PAPPA2: variants seen among roughly 807,000 people sequenced by gnomAD.
PAPPA2 encodes pappalysin-2.
PAPPA2 carries 86 observed loss-of-function variants against 176.4 expected under a neutral mutation model. The observed-to-expected ratio is 0.49, with a 90% CI of 0.41 to 0.58. The LOEUF is 0.58. PAPPA2 is among the 20% of genes least tolerant of loss of function. The pLI, the probability that PAPPA2 is intolerant of heterozygous loss-of-function variation, is 0.00. For synonymous variants in PAPPA2, 809 were observed against 852.2 expected (o/e 0.95, Z 0.88); for missense variants, 2,073 against 2,256.9 (o/e 0.92, Z 1.65).
chr1:176,761,669 C>G (rs189992606), intron 14 of PAPPA2, among the ~76,000 whole-genome samples: 5 of 152,338 alleles, frequency 3.3e-5, no homozygotes, highest in African/African-American at 9.6e-5. Context: ...GGAAAGCAAC[C>G]TCATCCCGTG....
At chr1:176,554,716 G>A (rs1651164074) in intron 1 of PAPPA2, among the ~76,000 whole-genome samples, 1 of 152,190 alleles carries the variant, frequency 6.6e-6, no homozygotes, top group Non-Finnish European at 1.5e-5. Context: ...AAACTTCTGA[G>A]ATAAAAAGGA....
chr1:176,531,229 C>T (rs937594976), intron 1 of PAPPA2, among the ~76,000 whole-genome samples: 1 of 152,202 alleles, frequency 6.6e-6, no homozygotes, highest in Non-Finnish European at 1.5e-5. Flanking sequence ...AGTAGCTCTT[C>T]ATTAATGTTG....
chr1:176,617,834 T>G (rs1655358838), intron 3 of PAPPA2, among the ~76,000 whole-genome samples: 5 of 152,176 alleles, frequency 3.3e-5, no homozygotes, highest in Admixed American at 3.3e-4. Context: ...ATTAGGTCCA[T>G]TTTTGAGTAA....
chr1:176,564,205 C>T (rs545213887), intron 2 of PAPPA2, among the ~76,000 whole-genome samples: 1 of 152,320 alleles, frequency 6.6e-6, no homozygotes, highest in Admixed American at 6.5e-5. Context: ...TAACAGGCTT[C>T]AGGTGCTGTT....
intron 3 of PAPPA2, among the ~76,000 whole-genome samples, chr1:176,626,168 T>C (rs1006627449): frequency 1.3e-5 from 2 of 152,226 alleles, no homozygotes; most frequent in African/African-American, 4.8e-5. Context: ...CAGAAAGGCC[T>C]GTGTATACAT....
intron 14 of PAPPA2, among the ~76,000 whole-genome samples, chr1:176,746,665 G>GTTTA (rs1662925024): frequency 6.6e-6 from 1 of 152,176 alleles, no homozygotes; most frequent in Non-Finnish European, 1.5e-5. Context: ...TACCTTATTA[G>GTTTA]TTTATTCAGT....
chr1:176,585,204 T>A (rs1558453652), intron 2 of PAPPA2, among the ~76,000 whole-genome samples: 1 of 152,228 alleles, frequency 6.6e-6, no homozygotes, highest in Admixed American at 6.5e-5. Flanking sequence ...TTTCTGGTTA[T>A]CTGAGAAAAA....
chr1:176,687,830 C>T (rs539352295), intron 4 of PAPPA2, among the ~76,000 whole-genome samples: 17 of 152,146 alleles, frequency 1.1e-4, no homozygotes, highest in African/African-American at 3.4e-4. Flanking sequence ...TATTCTACCC[C>T]GGACAGGTTC....
chr1:176,618,440 CAAAT>C (rs985651015), intron 3 of PAPPA2, among the ~76,000 whole-genome samples: 9 of 152,164 alleles, frequency 5.9e-5, no homozygotes, highest in Admixed American at 5.9e-4. Flanking sequence ...GTCAACCACT[CAAAT>C]GAACTGAGAA....
intron 12 of PAPPA2, among the ~76,000 whole-genome samples, chr1:176,712,667 A>C (rs1319229920): frequency 6.6e-6 from 1 of 152,168 alleles, no homozygotes; most frequent in African/African-American, 2.4e-5. Flanking sequence ...ATTTCTGTAC[A>C]TTTTTGTGGT....
intron 12 of PAPPA2, among the ~76,000 whole-genome samples, chr1:176,728,122 A>G (rs1222279738): frequency 6.6e-6 from 1 of 151,866 alleles, no homozygotes; most frequent in Non-Finnish European, 1.5e-5. Context: ...AATCAATTAA[A>G]ATAAAAAGGA....
chr1:176,622,062 G>C (rs1346489466), intron 3 of PAPPA2, among the ~76,000 whole-genome samples: 1 of 152,032 alleles, frequency 6.6e-6, no homozygotes, highest in East Asian at 1.9e-4. Context: ...CTGAGAATTA[G>C]ACCTGAATTG....
At chr1:176,475,311 T>C (rs527706934) in intron 1 of PAPPA2, among the ~76,000 whole-genome samples, 2 of 152,346 alleles carry the variant, frequency 1.3e-5, no homozygotes, top group African/African-American at 4.8e-5. Context: ...TGTATGAGTA[T>C]GACTTGGCTT....
At chr1:176,484,367 C>T (rs1652554185) in intron 1 of PAPPA2, among the ~76,000 whole-genome samples, 1 of 152,156 alleles carries the variant, frequency 6.6e-6, no homozygotes, top group African/African-American at 2.4e-5. Context: ...CTCTGAGCTT[C>T]CTGGATCTGT....
chr1:176,463,784 G>A (rs1651490137), intron 1 of PAPPA2, among the ~76,000 whole-genome samples: 1 of 152,196 alleles, frequency 6.6e-6, no homozygotes, highest in South Asian at 2.1e-4. Flanking sequence ...TGTGCAGGGA[G>A]ACCATGGAGG....
At position 176,702,613 on chromosome 1, in the gene PAPPA2, C is replaced by G. The variant is rs376395556; in HGVS notation, c.3243C>G (p.Val1081=). 737 of 1,613,834 alleles carry G rather than the reference C, an allele frequency of 4.6e-4. 7 individuals are homozygous for G. Among genetic ancestry groups the G allele is most frequent in the Non-Finnish European group, 7.6e-5 (90 of 1,179,926 alleles). ...AACCCTTTGGTTTCCACAGGGAGGTCACACCTGGACAGATGTATCAGTACC... is the reference window on the plus strand; with the variant it reads ...AACCCTTTGGTTTCCACAGGGAGGTGACACCTGGACAGATGTATCAGTACC... The part of the protein sequence containing the change: ...HSHRKFTDVE[V]TPGQMYQYQV... The change falls in exon 9 of 23, where the codon GTC becomes GTG. Residue 1081 remains valine (V), a synonymous_variant. Coordinates refer to ENST00000367662, the MANE Select transcript of PAPPA2 (RefSeq NM_020318.3).
intron 3 of PAPPA2, among the ~76,000 whole-genome samples, chr1:176,634,578 T>C (rs1656550269): frequency 1.3e-5 from 2 of 151,572 alleles, no homozygotes; most frequent in African/African-American, 4.8e-5. Flanking sequence ...ATCCTAGAAC[T>C]TTAAGTATAA....
rs1667526629 is a variant in PAPPA2 at position 176,842,524 on chromosome 1, C to G, written c.*70C>G. On this transcript the variant is annotated 3_prime_UTR_variant, in exon 23 of 23. Coordinates refer to ENST00000367662, the MANE Select transcript of PAPPA2 (RefSeq NM_020318.3). ...AAAGAGAGGCCGACCCAGGAGGAAA[C>G]AAAGGGTGAATGAAGAAGAACAATC... The G allele has an allele frequency of 7.4e-7, 1 of 1,346,420 alleles. No homozygotes were observed. Among genetic ancestry groups the G allele is most frequent in the Non-Finnish European group, 1.1e-6 (1 of 947,086 alleles). The allele number at this position is 1,346,420 out of a possible 1,614,324, so 83.4% of individuals were successfully genotyped here. A position where few individuals can be genotyped will look rare whatever the true frequency, so the allele number is the denominator to read the frequency against.
intron 1 of PAPPA2, among the ~76,000 whole-genome samples, chr1:176,497,732 C>A (rs1293009093): frequency 6.6e-6 from 1 of 152,174 alleles, no homozygotes; most frequent in East Asian, 1.9e-4. Flanking sequence ...ACAAGTTCTC[C>A]AGGTCTCAAC....
Sources: allele counts gnomAD v4.1 joint callset (sites outside exome capture counted in the v4.1 genomes callset), GRCh38; gene constraint gnomAD v4.1.1; transcripts MANE v1.5; gene names NCBI Gene and HGNC (gene_info 2026-07-23, HGNC 2026-07-21).